The following ZBTB26 variants were observed in gnomAD, a reference collection of about 807,000 sequenced individuals.
ZBTB26 encodes zinc finger and BTB domain-containing protein 26.
In ZBTB26, 12 loss-of-function variants were observed where a neutral mutation model predicts 31.6. That is an observed-to-expected ratio of 0.38 (90% CI 0.24 to 0.61). The LOEUF (loss-of-function observed/expected upper bound fraction) is 0.61. ZBTB26 is among the 20% of genes least tolerant of loss of function. The pLI is 0.60. For synonymous variants in ZBTB26, 155 were observed against 182.9 expected, an observed-to-expected ratio of 0.85 and a Z score of 1.23; for missense variants, 311 against 521.9, an observed-to-expected ratio of 0.60 and a Z score of 3.94.
intron 1 of ZBTB26, among the ~76,000 whole-genome samples, chr9:122,921,993 A>G (rs1345249308): frequency 6.6e-6 from 1 of 152,108 alleles, no homozygotes; most frequent in African/African-American, 2.4e-5. Flanking sequence ...TTATCCCAGC[A>G]CTTTGGGAGG....
intron 1 of ZBTB26, among the ~76,000 whole-genome samples, chr9:122,921,800 A>G (rs1251815696): frequency 6.6e-6 from 1 of 152,174 alleles, no homozygotes; most frequent in African/African-American, 2.4e-5. Flanking sequence ...GCGTAGTGGC[A>G]CATGCCTGTA....
Position 122,918,558 on chromosome 9 carries a change from G to A in ZBTB26, c.*51C>T. 3 of 1,567,654 alleles carry A rather than the reference G, an allele frequency of 1.9e-6. No homozygotes were observed. The highest frequency in any genetic ancestry group is 2.6e-6 in the Non-Finnish European group (3 of 1,159,964). On this transcript the variant is annotated 3_prime_UTR_variant, in exon 2 of 2. Coordinates refer to ENST00000373656, the MANE Select transcript of ZBTB26 (RefSeq NM_020924.4). ...GCAAAATCACTCCTAAAAAGACTAA[G>A]ACTATTGCCACATTGTCAGTCAGTT...
In ZBTB26 at chr9:122,919,238, C is replaced by G; in HGVS notation, c.697G>C (p.Glu233Gln). The change falls in exon 2 of 2, where the codon GAA (glutamate) becomes CAA (glutamine). Residue 233 changes from glutamate to glutamine, a missense_variant. Coordinates refer to ENST00000373656, the MANE Select transcript of ZBTB26 (RefSeq NM_020924.4). This position sits in a 1 kb window ranked among gnomAD's most constrained non-coding sequence, Gnocchi z 6.1. ...STVENRVSEIEQNHLHNYALS... is the reference protein window; with the variant it reads ...STVENRVSEIQQNHLHNYALS... ...GCATAATTGTGGAGATGGTTTTGTT[C>G]TATTTCACTTACTCTGTTTTCCACA... is the stretch of plus-strand genomic sequence containing the variant. 6.2e-7 allele frequency: 1 copy of G among 1,614,164 alleles called. No individual in the cohort carries two copies. Among genetic ancestry groups the G allele is most frequent in the Non-Finnish European group, 8.5e-7 (1 of 1,180,030 alleles).
chr9:122,921,202 T>C (rs1478625293), intron 1 of ZBTB26, among the ~76,000 whole-genome samples: 2 of 152,226 alleles, frequency 1.3e-5, no homozygotes. Flanking sequence ...AATGATTTTC[T>C]CATAACCTGG....
chr9:122,921,275 C>T (rs1308131726), intron 1 of ZBTB26, among the ~76,000 whole-genome samples: 2 of 152,220 alleles, frequency 1.3e-5, no homozygotes, highest in Non-Finnish European at 1.5e-5. Context: ...TAATTCCAGT[C>T]CACTAGTCAC....
At chr9:122,921,724 G>A (rs900718925) in intron 1 of ZBTB26, among the ~76,000 whole-genome samples, 7 of 152,132 alleles carry the variant, frequency 4.6e-5, no homozygotes, top group African/African-American at 1.7e-4. Flanking sequence ...CTGAGGTCGG[G>A]AGTTCAAGAC....
rs1252449606 is a variant in ZBTB26, at chr9:122,915,599, C to G, written c.*3010G>C. Reference sequence around the variant, plus strand: ...TCACACTTTTATTAAGGAAACTTCCCCATAATAAGTGAAGAGGTAGTTCAT... The same window carrying G: ...TCACACTTTTATTAAGGAAACTTCCGCATAATAAGTGAAGAGGTAGTTCAT... On this transcript the variant is annotated 3_prime_UTR_variant, in exon 2 of 2. Transcript: ENST00000373656. The G allele has an allele frequency of 1.3e-5, 2 of 152,090 alleles. No homozygotes were observed. The highest frequency in any genetic ancestry group is 4.8e-5 in the African/African-American group (2 of 41,398). The allele number at this position is 152,090 out of a possible 1,614,324, so 9.4% of individuals were successfully genotyped here.
At chr9:122,925,394 A>C (rs142353139) in intron 1 of ZBTB26, among the ~76,000 whole-genome samples, 1 of 152,228 alleles carries the variant, frequency 6.6e-6, no homozygotes, top group African/African-American at 2.4e-5. Flanking sequence ...TAAATAAATA[A>C]ATTGACCCAT....
intron 1 of ZBTB26, among the ~76,000 whole-genome samples, chr9:122,920,403 A>G (rs1833077726): frequency 6.6e-6 from 1 of 152,196 alleles, no homozygotes; most frequent in South Asian, 2.1e-4. Context: ...CAGAACTCTA[A>G]TATGGAGATT....
chr9:122,918,314 T>TAA lies in ZBTB26; in HGVS notation c.*293_*294dup, dbSNP rs1232102288. On this transcript the variant is annotated 3_prime_UTR_variant, in exon 2 of 2. Coordinates refer to ENST00000373656, the MANE Select transcript of ZBTB26 (RefSeq NM_020924.4). ...TTCGGAATGTGCCTAGTGAAAAGCC[T>TAA]AAAACAGTGTCAGTCTAAGACATAA... 8 of 340,210 alleles carry TAA rather than the reference T, an allele frequency of 2.4e-5. No individual in the cohort carries two copies. In the Admixed American group the frequency reaches 3.7e-4, roughly 16 times the overall value. The allele number at this position is 340,210 out of a possible 1,614,324, so 21.1% of individuals were successfully genotyped here.
intron 1 of ZBTB26, 128 bp downstream of exon 1, chr9:122,931,309 C>G (rs1001649612): frequency 6.6e-5 from 10 of 152,290 alleles, no homozygotes; most frequent in African/African-American, 2.4e-4. Flanking sequence ...CCTCAAGTCC[C>G]CAGGGGCCTA....
In ZBTB26 at chr9:122,919,098, G is replaced by C. The variant is rs765340514; in HGVS notation, c.837C>G (p.Thr279=). ...AGTTCTCCAGGTGACGAAACACCCT[G>C]GTACACTTTGGGCACTGGTGATGCC... The part of the protein sequence containing the change: ...LQWHHQCPKC[T]RVFRHLENYA... The change falls in exon 2 of 2, where the codon ACC becomes ACG. Residue 279 remains threonine (T), a synonymous_variant. Transcript: ENST00000373656. The surrounding 1 kb of genome is among the most constrained non-coding windows in gnomAD (Gnocchi z 6.1). 1 of 1,614,146 alleles carries C rather than the reference G, an allele frequency of 6.2e-7. No homozygotes were observed.
Position 122,918,622 on chromosome 9 carries a change from G to A in ZBTB26, c.1313C>T (p.Thr438Ile), listed in dbSNP as rs776146394. 1 of 1,612,808 alleles carries A rather than the reference G, an allele frequency of 6.2e-7. No individual in the cohort carries two copies. The highest frequency in any genetic ancestry group is 8.5e-7 in the Non-Finnish European group (1 of 1,179,492). Residue 438 changes from threonine to isoleucine, a missense_variant, in exon 2 of 2, where the codon ACT (threonine) becomes ATT (isoleucine). This residue lies in a region of ZBTB26 where 49 missense variants were observed against 66.0 expected (regional missense o/e 0.74). Transcript: ENST00000373656. ...TGAAGCCCCTACTCAATTCACACAA[G>A]TACTATCATTTCTTAAGTTCAGGAC... ...QAVLNLRNDSTCVN is the reference protein window; with the variant it reads ...QAVLNLRNDSICVN
intron 1 of ZBTB26, among the ~76,000 whole-genome samples, chr9:122,928,617 A>T (rs1833220325): frequency 6.6e-6 from 1 of 151,966 alleles, no homozygotes; most frequent in African/African-American, 2.4e-5. Flanking sequence ...TAAGTCTCCA[A>T]TTTTTTGCTA....
In ZBTB26 at chr9:122,916,046, C is replaced by T. The variant is rs1435787890; in HGVS notation, c.*2563G>A. On this transcript the variant is annotated 3_prime_UTR_variant, in exon 2 of 2. Transcript: ENST00000373656. ...TCTTTGCAATATAATCTAACAAACA[C>T]GTATAAGCAAAGAAGGAGGAAAGTG... is the stretch of plus-strand genomic sequence containing the variant. 1.3e-5 allele frequency: 2 copies of T among 152,054 alleles called. No individual in the cohort carries two copies. The highest frequency in any genetic ancestry group is 6.6e-5 in the Admixed American group (1 of 15,262). The allele number at this position is 152,054 out of a possible 1,614,324, so 9.4% of individuals were successfully genotyped here.
Position 122,918,459 on chromosome 9 carries a change from G to T in ZBTB26, c.*150C>A. 6.8e-6 allele frequency: 8 copies of T among 1,184,502 alleles called. No individual in the cohort carries two copies. The highest frequency in any genetic ancestry group is 2.7e-5 in the Admixed American group (1 of 37,444). The allele number at this position is 1,184,502 out of a possible 1,614,324, so 73.4% of individuals were successfully genotyped here. On this transcript the variant is annotated 3_prime_UTR_variant, in exon 2 of 2. Coordinates refer to ENST00000373656, the MANE Select transcript of ZBTB26 (RefSeq NM_020924.4). ...AAGTAAGGCAAATCCACTCCAAGTG[G>T]TAAGTTGCCTGGTCTATTAGTGCTT...
Position 122,918,290 on chromosome 9 carries a change from T to C in ZBTB26, c.*319A>G. The stretch of plus-strand genomic sequence containing the variant: ...TGACGTTATTAACTTGTTGGTACCT[T>C]CGGAATGTGCCTAGTGAAAAGCCTA... On this transcript the variant is annotated 3_prime_UTR_variant, in exon 2 of 2. Coordinates refer to ENST00000373656, the MANE Select transcript of ZBTB26 (RefSeq NM_020924.4). 3.8e-6 allele frequency: 1 copy of C among 264,544 alleles called. No individual in the cohort carries two copies. The highest frequency in any genetic ancestry group is 7.2e-6 in the Non-Finnish European group (1 of 139,236). 16.4% of individuals were successfully genotyped at this position (264,544 alleles called of 1,614,324 possible). A position where few individuals can be genotyped will look rare whatever the true frequency, so the allele number is the denominator to read the frequency against.
chr9:122,929,302 A>G (rs1564337819), intron 1 of ZBTB26, among the ~76,000 whole-genome samples: 2 of 152,216 alleles, frequency 1.3e-5, no homozygotes, highest in Non-Finnish European at 2.9e-5. Flanking sequence ...AATAAAAAAC[A>G]TATCAAACAT....
chr9:122,929,161 G>T (rs1247350299), intron 1 of ZBTB26, among the ~76,000 whole-genome samples: 1 of 152,230 alleles, frequency 6.6e-6, no homozygotes, highest in Non-Finnish European at 1.5e-5. Context: ...TGACATCAAG[G>T]TGAGGATTCA....
Sources: gnomAD v4.1 joint callset for allele counts (sites outside exome capture counted in the v4.1 genomes callset) on GRCh38, gnomAD v4.1.1 for gene constraint, gnomAD v4.1.1 regional missense constraint, Gnocchi (gnomAD v3.1) non-coding constraint, MANE v1.5 for transcripts, NCBI Gene and HGNC (gene_info 2026-07-23, HGNC 2026-07-21) for gene names.